OR1J2: variants seen among roughly 807,000 people sequenced by gnomAD.
The protein encoded by OR1J2 is olfactory receptor 1J2.
For missense variants in OR1J2, 304 were observed against 246.1 expected, an observed-to-expected ratio of 1.24 and a Z score of -1.57; for synonymous variants, 142 against 99.7, an observed-to-expected ratio of 1.42 and a Z score of -2.52.
At chr9:122,579,368 T>C in the OR1J2 span, among the ~76,000 whole-genome samples, 1 of 152,144 alleles carries the variant, frequency 6.6e-6, no homozygotes, top group South Asian at 2.1e-4. Flanking sequence ...AATTTTGCAC[T>C]AACTTTTTAA....
the OR1J2 span, among the ~76,000 whole-genome samples, chr9:122,486,029 C>T: frequency 4.7e-5 from 7 of 149,582 alleles, no homozygotes; most frequent in South Asian, 2.1e-4. Flanking sequence ...GGAACCATCT[C>T]GACTCACTGC....
chr9:122,550,376 A>G, the OR1J2 span, among the ~76,000 whole-genome samples: 1 of 152,142 alleles, frequency 6.6e-6, no homozygotes, highest in African/African-American at 2.4e-5. Flanking sequence ...CAATGAGGAA[A>G]GAATCCTCCC....
At chr9:122,530,967 G>A in the OR1J2 span, among the ~76,000 whole-genome samples, 1 of 152,202 alleles carries the variant, frequency 6.6e-6, no homozygotes, top group Non-Finnish European at 1.5e-5. Flanking sequence ...GCAGGTCACA[G>A]GGGATATGAT....
At chr9:122,540,169 T>G in the OR1J2 span, among the ~76,000 whole-genome samples, 4 of 151,580 alleles carry the variant, frequency 2.6e-5, no homozygotes, top group African/African-American at 9.7e-5. Flanking sequence ...CTTTTGGTGT[T>G]TTAGACATGA....
the OR1J2 span, chr9:122,526,809 G>A: frequency 1.9e-5 from 31 of 1,614,024 alleles, no homozygotes; most frequent in African/African-American, 3.9e-4. Flanking sequence ...GGACAACCGA[G>A]CCATGAGGAA....
At chr9:122,551,850 A>G in the OR1J2 span, among the ~76,000 whole-genome samples, 1 of 152,102 alleles carries the variant, frequency 6.6e-6, no homozygotes, top group Non-Finnish European at 1.5e-5. Flanking sequence ...AAATCGAGCC[A>G]TACACTTCAG....
At chr9:122,554,929 TAAATC>T in the OR1J2 span, among the ~76,000 whole-genome samples, 1,335 of 152,288 alleles carry the variant, frequency 8.8e-3, 15 homozygotes, top group African/African-American at 0.031. Context: ...TCAAAAATGA[TAAATC>T]AAGCATGCTG....
chr9:122,490,770 C>G, the OR1J2 span, among the ~76,000 whole-genome samples: 1 of 152,096 alleles, frequency 6.6e-6, no homozygotes, highest in African/African-American at 2.4e-5. Flanking sequence ...ATAAATCATG[C>G]AGGACCTTAG....
At chr9:122,552,581 C>T in the OR1J2 span, among the ~76,000 whole-genome samples, 3 of 151,952 alleles carry the variant, frequency 2.0e-5, no homozygotes, top group Middle Eastern at 6.8e-3. Context: ...TGGGGGAGTA[C>T]GACACCAGAC....
chr9:122,565,416 C>T, the OR1J2 span, among the ~76,000 whole-genome samples: 2 of 152,338 alleles, frequency 1.3e-5, no homozygotes, highest in Middle Eastern at 3.4e-3. Context: ...CCACTGTCAT[C>T]GCCCAATGGG....
chr9:122,517,925 C>G, the OR1J2 span, among the ~76,000 whole-genome samples: 1 of 152,156 alleles, frequency 6.6e-6, no homozygotes, highest in Non-Finnish European at 1.5e-5. Context: ...CCTGTGTTCT[C>G]ATTGTTCAGC....
At chr9:122,450,441 C>A in the OR1J2 span, among the ~76,000 whole-genome samples, 2 of 151,960 alleles carry the variant, frequency 1.3e-5, no homozygotes, top group African/African-American at 4.8e-5. Flanking sequence ...AAAAAAAAAT[C>A]TTTAAAAAGT....
chr9:122,526,932 T>C, the OR1J2 span: 1 of 1,614,016 alleles, frequency 6.2e-7, no homozygotes, highest in East Asian at 2.2e-5. Context: ...AATGGCCACA[T>C]AGCGGTCATA....
chr9:122,526,740 A>G, the OR1J2 span: 8 of 1,614,212 alleles, frequency 5.0e-6, no homozygotes, highest in South Asian at 7.7e-5. Flanking sequence ...AGAACATGAC[A>G]GCTTCAGGAC....
chr9:122,553,692 A>G, the OR1J2 span: 2 of 1,614,010 alleles, frequency 1.2e-6, no homozygotes, highest in Non-Finnish European at 1.7e-6. Flanking sequence ...TCCTGCCCTG[A>G]TGCACACACT....
the OR1J2 span, among the ~76,000 whole-genome samples, chr9:122,535,603 G>A: frequency 9.2e-5 from 14 of 152,292 alleles, no homozygotes; most frequent in African/African-American, 2.9e-4. Context: ...GCCGCTTACC[G>A]GATTTGAAAT....
chr9:122,536,478 C>G, the OR1J2 span, among the ~76,000 whole-genome samples: 1 of 152,110 alleles, frequency 6.6e-6, no homozygotes, highest in Non-Finnish European at 1.5e-5. Context: ...ATAATAACAA[C>G]AAAGTTTGGA....
the OR1J2 span, among the ~76,000 whole-genome samples, chr9:122,532,962 A>G: frequency 1.3e-5 from 2 of 151,942 alleles, no homozygotes; most frequent in Non-Finnish European, 2.9e-5. Flanking sequence ...ATGAGGATGA[A>G]ATTTGGGCTT....
At chr9:122,541,072 C>T in the OR1J2 span, among the ~76,000 whole-genome samples, 3 of 152,184 alleles carry the variant, frequency 2.0e-5, no homozygotes, top group African/African-American at 7.2e-5. Context: ...TCTACTAGCT[C>T]ACCCCAGCTC....
Sources: gnomAD v4.1 joint callset for allele counts (sites outside exome capture counted in the v4.1 genomes callset) on GRCh38, gnomAD v4.1.1 for gene constraint, MANE v1.5 for transcripts, NCBI Gene and HGNC (gene_info 2026-07-23, HGNC 2026-07-21) for gene names.